Variants in FRMPD2 observed in about 807,000 individuals in gnomAD.
FRMPD2 encodes the protein FERM and PDZ domain-containing protein 2.
In FRMPD2, 96 loss-of-function variants were observed where a neutral mutation model predicts 140.1. That is an observed-to-expected ratio of 0.69 (90% confidence interval 0.58 to 0.81). The LOEUF (loss-of-function observed/expected upper bound fraction) is 0.81. FRMPD2 is among the 40% of genes least tolerant of loss of function. The pLI is 0.00. For synonymous variants in FRMPD2, 449 were observed against 547.6 expected (o/e 0.82, Z 2.52); for missense variants, 1,240 against 1,447.4 (o/e 0.86, Z 2.32).
chr10:48,256,877 C>T (rs1411975700), intron 1 of FRMPD2, among the ~76,000 whole-genome samples: 1 of 152,186 alleles, frequency 6.6e-6, no homozygotes, highest in African/African-American at 2.4e-5. Context: ...CCTCAGGATT[C>T]TATTTGAGGC....
chr10:48,184,967 A>C, intron 18 of FRMPD2, 86 bp from the exon 19 acceptor site: 1 of 900,700 alleles, frequency 1.1e-6, no homozygotes. Context: ...CTCATATCAC[A>C]CAGCTACCAA....
chr10:48,185,707 A>T (rs370820932), intron 17 of FRMPD2, 62 bp from the exon 18 acceptor site: 26 of 1,248,146 alleles, frequency 2.1e-5, no homozygotes, highest in South Asian at 1.4e-4. Flanking sequence ...GAGCTAATAC[A>T]AAAGGAGTAA....
chr10:48,189,827 G>A (rs902815279), intron 16 of FRMPD2, among the ~76,000 whole-genome samples: 9 of 152,182 alleles, frequency 5.9e-5, no homozygotes, highest in East Asian at 1.9e-4. Context: ...TTGCTGCGCC[G>A]TTCATGGAGC....
intron 12 of FRMPD2, among the ~76,000 whole-genome samples, chr10:48,213,898 T>C (rs1263891584): frequency 6.6e-6 from 1 of 152,172 alleles, no homozygotes; most frequent in Non-Finnish European, 1.5e-5. Context: ...GTTATACAAA[T>C]TGAGTAATTC....
intron 6 of FRMPD2, 152 bp from the exon 7 acceptor site, chr10:48,239,844 GA>G: frequency 3.3e-6 from 2 of 611,610 alleles, no homozygotes; most frequent in East Asian, 5.6e-5. Flanking sequence ...TCCTCATGTA[GA>G]AAACAGAAAT....
At chr10:48,212,146 GA>G (rs765237697) in intron 12 of FRMPD2, 37 bp from the exon 13 acceptor site, 40 of 1,604,776 alleles carry the variant, frequency 2.5e-5, no homozygotes, top group Non-Finnish European at 3.4e-5. Flanking sequence ...GCACAATCCA[GA>G]CACTGGCCGG....
At chr10:48,175,355 A>G (rs1289043434) in intron 23 of FRMPD2, among the ~76,000 whole-genome samples, 1 of 152,134 alleles carries the variant, frequency 6.6e-6, no homozygotes. Context: ...TGGGGACACC[A>G]GAATTCTAGG....
chr10:48,266,179 C>T (rs527706651), intron 1 of FRMPD2, among the ~76,000 whole-genome samples: 1 of 152,228 alleles, frequency 6.6e-6, no homozygotes, highest in East Asian at 1.9e-4. Context: ...AACATATGGA[C>T]ACAAAGTGGG....
intron 10 of FRMPD2, among the ~76,000 whole-genome samples, chr10:48,224,221 C>G (rs916052927): frequency 1.3e-5 from 2 of 152,040 alleles, no homozygotes; most frequent in East Asian, 1.9e-4. Flanking sequence ...GCTCTCTTCA[C>G]AGCAAAGCTC....
rs1457654488 is a variant in FRMPD2, at chr10:48,266,540, A to G, written c.25+8003T>C. On this transcript the variant is annotated intron_variant, in intron 1 of 28. Coordinates refer to ENST00000374201, the MANE Select transcript of FRMPD2 (RefSeq NM_001018071.4). ...ATAGAGTCAAAAAATAGACCAATACATATACATTTAACTGATCTTTGACAA... is the reference window on the plus strand; with the variant it reads ...ATAGAGTCAAAAAATAGACCAATACGTATACATTTAACTGATCTTTGACAA... Among the ~76,000 whole-genome samples the G allele has an allele frequency of 5.9e-5, 9 of 152,282 alleles. No homozygotes were observed. The South Asian group carries it at 1.7e-3, about 28-fold the overall frequency.
At chr10:48,231,600 C>T (rs1249082397) in intron 10 of FRMPD2, among the ~76,000 whole-genome samples, 2 of 152,210 alleles carry the variant, frequency 1.3e-5, no homozygotes, top group African/African-American at 4.8e-5. Context: ...TCCTAGATTG[C>T]AATCTCCTGC....
Position 48,222,353 on chromosome 10 carries a change from A to G in FRMPD2, c.1415T>C (p.Val472Ala), listed in dbSNP as rs1564430125. Residue 472 changes from valine (V) to alanine (A), a missense_variant, in exon 12 of 29, where the codon GTC becomes GCC. Transcript: ENST00000374201. ...CNEEILLQLG[V>A]LALQAEFGNY... ...GCCAAACTCAGCCTGCAAGGCAAGGACCCCCAGCTGCAGCAGTATCTCTTC... is the reference window on the plus strand; with the variant it reads ...GCCAAACTCAGCCTGCAAGGCAAGGGCCCCCAGCTGCAGCAGTATCTCTTC... The G allele has an allele frequency of 8.1e-6, 13 of 1,614,060 alleles. No individual in the cohort carries two copies. The highest frequency in any genetic ancestry group is 1.1e-5 in the Non-Finnish European group (13 of 1,179,988).
At chr10:48,265,323 A>G (rs1365742941) in intron 1 of FRMPD2, among the ~76,000 whole-genome samples, 2 of 152,194 alleles carry the variant, frequency 1.3e-5, no homozygotes, top group Non-Finnish European at 2.9e-5. Flanking sequence ...TTTTATTACG[A>G]TGATGTCAAA....
chr10:48,197,080 T>A (rs973220607), intron 15 of FRMPD2, among the ~76,000 whole-genome samples: 1 of 152,228 alleles, frequency 6.6e-6, no homozygotes, highest in African/African-American at 2.4e-5. Context: ...GTGGTTTCAA[T>A]GAAATGTTTA....
intron 23 of FRMPD2, 95 bp downstream of exon 23, chr10:48,175,751 A>G (rs1838390646): frequency 7.3e-6 from 5 of 684,530 alleles, no homozygotes; most frequent in Non-Finnish European, 1.3e-5. Context: ...TCAGAATGGG[A>G]GCAGGGCAAG....
chr10:48,258,698 C>G (rs1239219282), intron 1 of FRMPD2, among the ~76,000 whole-genome samples: 1 of 152,180 alleles, frequency 6.6e-6, no homozygotes, highest in Non-Finnish European at 1.5e-5. Flanking sequence ...TAGTGTTTCT[C>G]CCATCTTCAA....
intron 6 of FRMPD2, among the ~76,000 whole-genome samples, 172 bp from the exon 7 acceptor site, chr10:48,239,864 C>A (rs1397438415): frequency 6.6e-6 from 1 of 152,098 alleles, no homozygotes; most frequent in Non-Finnish European, 1.5e-5. Flanking sequence ...ATGACAGTTA[C>A]AGAGGGTTGG....
chr10:48,253,144 A>G (rs564009468), intron 1 of FRMPD2, among the ~76,000 whole-genome samples: 1 of 152,376 alleles, frequency 6.6e-6, no homozygotes, highest in South Asian at 2.1e-4. Flanking sequence ...ACAAAAATGC[A>G]TTAAAAGTCT....
At chr10:48,267,653 G>T (rs1840701225) in intron 1 of FRMPD2, among the ~76,000 whole-genome samples, 1 of 152,122 alleles carries the variant, frequency 6.6e-6, no homozygotes, top group Non-Finnish European at 1.5e-5. Context: ...ATTTCAAAAT[G>T]GGCAAAGGAC....
Sources: gnomAD v4.1 joint callset for allele counts (sites outside exome capture counted in the v4.1 genomes callset) on GRCh38, gnomAD v4.1.1 for gene constraint, MANE v1.5 for transcripts, NCBI Gene and HGNC (gene_info 2026-07-23, HGNC 2026-07-21) for gene names.